Variants in PLEKHA6 observed in about 807,000 individuals in gnomAD.
PLEKHA6 encodes pleckstrin homology domain-containing family A member 6.
A neutral mutation model predicts 116.7 loss-of-function variants in PLEKHA6; 60 were observed. That is an observed-to-expected ratio of 0.51 (90% confidence interval 0.42 to 0.64). The LOEUF (loss-of-function observed/expected upper bound fraction) is 0.64. PLEKHA6 is among the 30% of genes least tolerant of loss of function. PLEKHA6 has a pLI of 0.00. For synonymous variants in PLEKHA6, 489 were observed against 556.1 expected, an observed-to-expected ratio of 0.88 and a Z score of 1.70; for missense variants, 1,338 against 1,422.7, an observed-to-expected ratio of 0.94 and a Z score of 0.96.
intron 1 of PLEKHA6, among the ~76,000 whole-genome samples, chr1:204,332,849 C>G (rs1423717962): frequency 6.6e-6 from 1 of 152,214 alleles, no homozygotes; most frequent in Non-Finnish European, 1.5e-5. Flanking sequence ...CTCCAAGCCT[C>G]AGTTATAAAG....
At chr1:204,367,442 C>T (rs1419059306) in intron 3 of PLEKHA6, among the ~76,000 whole-genome samples, 1 of 152,140 alleles carries the variant, frequency 6.6e-6, no homozygotes, top group Non-Finnish European at 1.5e-5. Context: ...CATCCTGCCC[C>T]GCGGCTGCGT....
chr1:204,256,302 C>T (rs771299966), intron 9 of PLEKHA6, among the ~76,000 whole-genome samples: 24 of 152,204 alleles, frequency 1.6e-4, no homozygotes, highest in Non-Finnish European at 3.4e-4. Flanking sequence ...AGAACAAATT[C>T]CAGGGAGAGA....
chr1:204,250,203 C>T (rs1055016475), intron 10 of PLEKHA6, among the ~76,000 whole-genome samples: 1 of 152,226 alleles, frequency 6.6e-6, no homozygotes, highest in Non-Finnish European at 1.5e-5. Context: ...AATAGACTGA[C>T]TGATCTATCT....
chr1:204,243,339 A>C (rs1212527285), intron 15 of PLEKHA6: 2 of 399,422 alleles, frequency 5.0e-6, no homozygotes, highest in Non-Finnish European at 8.8e-6. Flanking sequence ...GAGCGTTAGC[A>C]GGAGGCAGAC....
At chr1:204,230,820 T>C (rs1390879218) in intron 17 of PLEKHA6, among the ~76,000 whole-genome samples, 3 of 152,088 alleles carry the variant, frequency 2.0e-5, no homozygotes, top group African/African-American at 7.2e-5. Context: ...TGTGTCCTCA[T>C]AAGAGACAGA....
At chr1:204,346,937 G>T (rs34292223) in intron 1 of PLEKHA6, 233,134 of 1,181,266 alleles carry the variant, frequency 0.2, 27,017 homozygotes, top group Non-Finnish European at 0.24. Context: ...TCCTTCACAC[G>T]TTTCAGGAAG....
At chr1:204,292,127 T>C (rs1395539192) in intron 1 of PLEKHA6, among the ~76,000 whole-genome samples, 1 of 152,202 alleles carries the variant, frequency 6.6e-6, no homozygotes, top group Non-Finnish European at 1.5e-5. Context: ...TGGATTTAGA[T>C]CAAATAATGT....
At chr1:204,353,045 A>G (rs1673328401) in intron 1 of PLEKHA6, among the ~76,000 whole-genome samples, 1 of 152,212 alleles carries the variant, frequency 6.6e-6, no homozygotes, top group African/African-American at 2.4e-5. Context: ...CTGGTACATA[A>G]GGAGCATGCA....
chr1:204,361,015 C>A (rs186908089), upstream of PLEKHA6, among the ~76,000 whole-genome samples: 257 of 152,252 alleles, frequency 1.7e-3, 1 homozygote, highest in Middle Eastern at 6.8e-3. Context: ...ATGGAAAAAA[C>A]CAAAAGATTC....
chr1:204,289,083 C>A (rs1450143197), intron 1 of PLEKHA6, among the ~76,000 whole-genome samples: 1 of 152,138 alleles, frequency 6.6e-6, no homozygotes, highest in African/African-American at 2.4e-5. Context: ...TGAGCAGCGC[C>A]GGGCTTGTGA....
intron 3 of PLEKHA6, among the ~76,000 whole-genome samples, chr1:204,272,715 G>A (rs1667595570): frequency 6.6e-6 from 1 of 152,170 alleles, no homozygotes; most frequent in Non-Finnish European, 1.5e-5. Context: ...TACTGCAGAT[G>A]TTCCTATAAA....
chr1:204,247,868 A>T (rs1663957498), intron 12 of PLEKHA6, among the ~76,000 whole-genome samples: 1 of 151,898 alleles, frequency 6.6e-6, no homozygotes. Context: ...GCAGGAGATC[A>T]CTTGAGCCCT....
chr1:204,337,577 T>G (rs1252795805), intron 1 of PLEKHA6, among the ~76,000 whole-genome samples: 1 of 152,146 alleles, frequency 6.6e-6, no homozygotes, highest in African/African-American at 2.4e-5. Flanking sequence ...TCGTTGGAAT[T>G]AATTTTAAAG....
At chr1:204,269,774 C>T (rs767075187) in intron 3 of PLEKHA6, among the ~76,000 whole-genome samples, 1 of 152,134 alleles carries the variant, frequency 6.6e-6, no homozygotes, top group Non-Finnish European at 1.5e-5. Context: ...CCATTGTGTC[C>T]TCTGAGACTT....
chr1:204,226,303 A>G (rs1387995358), intron 21 of PLEKHA6, among the ~76,000 whole-genome samples: 1 of 152,244 alleles, frequency 6.6e-6, no homozygotes, highest in Non-Finnish European at 1.5e-5. Context: ...TTCAGCACAC[A>G]GACCCTGACA....
At chr1:204,323,365 C>T (rs1672133156) in intron 1 of PLEKHA6, among the ~76,000 whole-genome samples, 1 of 152,324 alleles carries the variant, frequency 6.6e-6, no homozygotes, top group Middle Eastern at 3.4e-3. Context: ...GACACTGAGG[C>T]TCAGAAAAGA....
intron 18 of PLEKHA6, among the ~76,000 whole-genome samples, chr1:204,229,482 T>C (rs1660858812): frequency 6.6e-6 from 1 of 152,252 alleles, no homozygotes; most frequent in Admixed American, 6.5e-5. Flanking sequence ...CACAGAATCA[T>C]AGCTCACTGC....
chr1:204,334,972 A>G (rs1672589801), intron 1 of PLEKHA6, among the ~76,000 whole-genome samples: 2 of 152,100 alleles, frequency 1.3e-5, no homozygotes, highest in South Asian at 4.1e-4. Context: ...TATTATTATT[A>G]ACTATAGTCA....
intron 1 of PLEKHA6, chr1:204,309,017 G>A: frequency 1.1e-6 from 1 of 911,296 alleles, no homozygotes; most frequent in Non-Finnish European, 1.3e-6. Flanking sequence ...ATTGCCTGTA[G>A]TATTTACTGT....
Sources: gnomAD v4.1 joint callset for allele counts (sites outside exome capture counted in the v4.1 genomes callset) on GRCh38, gnomAD v4.1.1 for gene constraint, MANE v1.5 for transcripts, NCBI Gene and HGNC (gene_info 2026-07-23, HGNC 2026-07-21) for gene names.